The following CNTNAP2 variants were observed in gnomAD, a reference collection of about 807,000 sequenced individuals.
The protein encoded by CNTNAP2 is contactin-associated protein-like 2.
CNTNAP2 carries 98 observed loss-of-function variants against 155.2 expected under a neutral mutation model. That is an observed-to-expected ratio of 0.63 (90% confidence interval 0.54 to 0.75). The LOEUF (loss-of-function observed/expected upper bound fraction) is 0.75. Ranked by LOEUF, CNTNAP2 falls within the 30% of genes least tolerant of loss-of-function variation. CNTNAP2 has a pLI of 0.00. For synonymous variants in CNTNAP2, 651 were observed against 631.2 expected (o/e 1.03, Z -0.47); for missense variants, 1,727 against 1,688.1 (o/e 1.02, Z -0.40).
At chr7:146,661,730 TTC>T (rs1554464099) in intron 1 of CNTNAP2, among the ~76,000 whole-genome samples, 491 of 56,086 alleles carry the variant, frequency 8.8e-3, no homozygotes, top group Non-Finnish European at 0.014. Context: ...CTTTCTTTCT[TTC>T]TTTTTTTTTT....
chr7:146,906,050 C>T (rs892225364), intron 3 of CNTNAP2, among the ~76,000 whole-genome samples: 47 of 152,210 alleles, frequency 3.1e-4, no homozygotes, highest in Admixed American at 2.0e-4. Flanking sequence ...ACGGACGCAC[C>T]TGGAAAATCG....
chr7:146,339,865 T>C (rs1801345695), intron 1 of CNTNAP2, among the ~76,000 whole-genome samples: 1 of 152,056 alleles, frequency 6.6e-6, no homozygotes, highest in Non-Finnish European at 1.5e-5. Flanking sequence ...AATATAATGT[T>C]ATTAAATACA....
At chr7:147,704,828 G>A (rs570068298) in intron 13 of CNTNAP2, among the ~76,000 whole-genome samples, 1 of 152,168 alleles carries the variant, frequency 6.6e-6, no homozygotes, top group African/African-American at 2.4e-5. Flanking sequence ...CAGAATTTTA[G>A]ACATGTTCTC....
At chr7:147,054,998 A>G (rs1251075610) in intron 4 of CNTNAP2, among the ~76,000 whole-genome samples, 1 of 152,128 alleles carries the variant, frequency 6.6e-6, no homozygotes, top group East Asian at 1.9e-4. Flanking sequence ...GCTGGACAGG[A>G]GGAGTTAAAG....
intron 1 of CNTNAP2, among the ~76,000 whole-genome samples, chr7:146,670,349 C>G (rs1057325441): frequency 6.6e-6 from 1 of 152,130 alleles, no homozygotes; most frequent in Non-Finnish European, 1.5e-5. Context: ...TTTGCCTGCA[C>G]CTCATTCCAG....
At chr7:147,756,676 T>A (rs575820961) in intron 13 of CNTNAP2, among the ~76,000 whole-genome samples, 3 of 152,306 alleles carry the variant, frequency 2.0e-5, no homozygotes, top group African/African-American at 7.2e-5. Flanking sequence ...GTTCTTTCAA[T>A]ATTAAAAAAA....
chr7:147,863,412 G>C (rs6964273), intron 13 of CNTNAP2, among the ~76,000 whole-genome samples: 1 of 151,946 alleles, frequency 6.6e-6, no homozygotes, highest in African/African-American at 2.4e-5. Context: ...GTCTTTACAG[G>C]AGCATGATTT....
intron 3 of CNTNAP2, among the ~76,000 whole-genome samples, chr7:146,890,894 A>G (rs1795761573): frequency 6.6e-6 from 1 of 152,172 alleles, no homozygotes; most frequent in Non-Finnish European, 1.5e-5. Context: ...CTGGGTATAT[A>G]CCCAAAGGAA....
intron 7 of CNTNAP2, among the ~76,000 whole-genome samples, chr7:147,129,259 C>A (rs1801300972): frequency 6.6e-6 from 1 of 152,114 alleles, no homozygotes; most frequent in South Asian, 2.1e-4. Context: ...TACTCCTGTG[C>A]TTCCAAAGAT....
At chr7:147,925,206 G>GAAA (rs1554450411) in intron 14 of CNTNAP2, among the ~76,000 whole-genome samples, 47 of 122,782 alleles carry the variant, frequency 3.8e-4, no homozygotes, top group African/African-American at 1.2e-3. Flanking sequence ...AAGGAAGGAA[G>GAAA]GAAAGAAGGA....
intron 9 of CNTNAP2, among the ~76,000 whole-genome samples, chr7:147,346,630 T>C (rs1284353465): frequency 2.0e-5 from 3 of 152,250 alleles, no homozygotes; most frequent in Non-Finnish European, 4.4e-5. Flanking sequence ...AGTTGCAGGA[T>C]GTTCAGATAC....
chr7:146,544,919 C>A (rs13225792), intron 1 of CNTNAP2, among the ~76,000 whole-genome samples: 93,378 of 151,612 alleles, frequency 0.62, 29,522 homozygotes, highest in African/African-American at 0.7. Context: ...GAGGACCTGC[C>A]ATCTGGACTA....
At chr7:146,986,667 T>C (rs1297479804) in intron 3 of CNTNAP2, among the ~76,000 whole-genome samples, 1 of 152,152 alleles carries the variant, frequency 6.6e-6, no homozygotes, top group Non-Finnish European at 1.5e-5. Flanking sequence ...CCAACATCTA[T>C]GATTTTTTGA....
intron 3 of CNTNAP2, among the ~76,000 whole-genome samples, chr7:147,003,411 A>G (rs1290010573): frequency 1.3e-5 from 2 of 152,010 alleles, no homozygotes; most frequent in Non-Finnish European, 2.9e-5. Context: ...TGTACACTAC[A>G]CTGATAAATT....
intron 14 of CNTNAP2, among the ~76,000 whole-genome samples, chr7:147,965,753 G>T (rs1801198680): frequency 1.3e-5 from 2 of 151,978 alleles, no homozygotes; most frequent in Admixed American, 1.3e-4. Context: ...TGCTCTCAAG[G>T]CTCTTTCCAT....
chr7:146,706,917 TAAAAAAA>T (rs778959277), intron 1 of CNTNAP2, among the ~76,000 whole-genome samples: 1 of 126,754 alleles, frequency 7.9e-6, no homozygotes, highest in Non-Finnish European at 1.8e-5. Context: ...ACTTAAAAGT[TAAAAAAA>T]AAAAAAAAAA....
intron 11 of CNTNAP2, among the ~76,000 whole-genome samples, chr7:147,503,117 G>A (rs1798848544): frequency 6.6e-6 from 1 of 152,142 alleles, no homozygotes; most frequent in South Asian, 2.1e-4. Flanking sequence ...CATAATCAAG[G>A]TGCTGGCAAG....
At chr7:146,392,157 G>C (rs1288986331) in intron 1 of CNTNAP2, among the ~76,000 whole-genome samples, 1 of 152,042 alleles carries the variant, frequency 6.6e-6, no homozygotes, top group Non-Finnish European at 1.5e-5. Flanking sequence ...TTGGAGATTG[G>C]TGTATGCCTT....
At chr7:147,162,275 T>G (rs1342644869) in intron 8 of CNTNAP2, 2 of 152,160 alleles carry the variant, frequency 1.3e-5, no homozygotes, top group Non-Finnish European at 2.9e-5. Context: ...AATTTAATCT[T>G]TAGGTTATCT....
Sources: allele counts gnomAD v4.1 joint callset (sites outside exome capture counted in the v4.1 genomes callset), GRCh38; gene constraint gnomAD v4.1.1; transcripts MANE v1.5; gene names NCBI Gene and HGNC (gene_info 2026-07-23, HGNC 2026-07-21).